The following SENP8 variants were observed in gnomAD, a reference collection of about 807,000 sequenced individuals.
SENP8 encodes SUMO peptidase family member, NEDD8 specific, also known as sentrin-specific protease 8.
SENP8 carries 10 observed loss-of-function variants against 14.4 expected under a neutral mutation model. The ratio of observed to expected loss-of-function variants is 0.69; its 90% CI spans 0.43 to 1.18. The LOEUF (loss-of-function observed/expected upper bound fraction) is 1.18, where lower values mean the gene tolerates loss of function less well. Among genes scored for constraint, SENP8 ranks in the 50% most tolerant of loss-of-function variants. SENP8 has a pLI of 0.00. For missense variants in SENP8, 202 were observed against 249.4 expected, an observed-to-expected ratio of 0.81 and a Z score of 1.28; for synonymous variants, 94 against 95.5, an observed-to-expected ratio of 0.98 and a Z score of 0.09.
chr15:72,140,408 A>C lies in SENP8; in HGVS notation c.*146A>C, dbSNP rs573492399. ...TTCCTGAAAGAATATCATCCTCTGC[A>C]TTATCCCCATGGAACGTTTCACTTT... On this transcript the variant is annotated 3_prime_UTR_variant, in exon 2 of 2. Transcript: ENST00000340912. 2.8e-5 allele frequency: 18 copies of C among 641,624 alleles called. 1 individual carries two copies. The highest frequency in any genetic ancestry group is 5.9e-5 in the Admixed American group (2 of 33,958). The allele number at this position is 641,624 out of a possible 1,614,324, so 39.7% of individuals were successfully genotyped here.
intron 1 of SENP8, chr15:72,134,798 C>G (rs772507980): frequency 6.0e-5 from 17 of 281,678 alleles, no homozygotes; most frequent in Admixed American, 4.1e-4. Context: ...AAAGGAATGT[C>G]CCAGAAGTGT....
chr15:72,118,134 C>G (rs1281586843), upstream of SENP8: 2 of 379,746 alleles, frequency 5.3e-6, no homozygotes, highest in Non-Finnish European at 9.3e-6. Flanking sequence ...CGGCTGCAGG[C>G]GAGCAGGCGC....
chr15:72,129,081 T>C (rs2081246392), intron 1 of SENP8, among the ~76,000 whole-genome samples: 1 of 152,246 alleles, frequency 6.6e-6, no homozygotes, highest in Non-Finnish European at 1.5e-5. Flanking sequence ...CCTGAAGTTT[T>C]GAGAATTGCT....
intron 1 of SENP8, among the ~76,000 whole-genome samples, chr15:72,127,069 A>G (rs1221282022): frequency 2.0e-5 from 3 of 152,226 alleles, no homozygotes; most frequent in Non-Finnish European, 4.4e-5. Flanking sequence ...TGTATACTCA[A>G]TTACTTATTC....
At chr15:72,120,784 G>A (rs1294995718) in intron 1 of SENP8, among the ~76,000 whole-genome samples, 8 of 152,142 alleles carry the variant, frequency 5.3e-5, no homozygotes, top group Admixed American at 5.2e-4. Context: ...ATTTTGAAAT[G>A]CCTGCAGCAA....
rs1481043649 is a variant in SENP8 at position 72,143,493 on chromosome 15, T to C, written c.*3231T>C. The C allele has an allele frequency of 6.6e-6, 1 of 152,224 alleles. No individual in the cohort carries two copies. Among genetic ancestry groups the C allele is most frequent in the Non-Finnish European group, 1.5e-5 (1 of 68,038 alleles). The allele number at this position is 152,224 out of a possible 1,614,324, so 9.4% of individuals were successfully genotyped here. On this transcript the variant is annotated 3_prime_UTR_variant, in exon 2 of 2. Coordinates refer to ENST00000340912, the MANE Select transcript of SENP8 (RefSeq NM_145204.4). ...CTAACCTTTTTATCACTCTGTAATG[T>C]GCAGGGTACTTTATGCACACATATT...
chr15:72,118,105 C>T, upstream of SENP8: 1 of 390,400 alleles, frequency 2.6e-6, no homozygotes, highest in Non-Finnish European at 4.5e-6. Context: ...CGCACGCGGC[C>T]CCGCCCCGCG....
Position 72,140,182 on chromosome 15 carries a change from C to G in SENP8, c.559C>G (p.Leu187Val). 6.2e-7 allele frequency: 1 copy of G among 1,614,012 alleles called. No individual in the cohort carries two copies. Among genetic ancestry groups the G allele is most frequent in the Non-Finnish European group, 8.5e-7 (1 of 1,179,872 alleles). Residue 187 changes from leucine to valine, a missense_variant, in exon 2 of 2, where the codon CTG (leucine) becomes GTG (valine). Leu to Val is a conservative substitution (Grantham distance 32). Transcript: ENST00000340912. The part of the protein sequence containing the change: ...NFFRQQTESL[L>V]QLLTPAYITK... Reference sequence around the variant, plus strand: ...CTTTAGGCAACAGACAGAATCACTGCTGCAGCTACTCACCCCTGCATACAT... The same window carrying G: ...CTTTAGGCAACAGACAGAATCACTGGTGCAGCTACTCACCCCTGCATACAT...
chr15:72,125,451 T>A (rs2081207935), intron 1 of SENP8, among the ~76,000 whole-genome samples: 1 of 148,248 alleles, frequency 6.7e-6, no homozygotes, highest in Non-Finnish European at 1.5e-5. Flanking sequence ...TTCTAACAAT[T>A]TTTTTTTTAC....
chr15:72,139,823 A>AC lies in SENP8; in HGVS notation c.203dup (p.Ala69SerfsTer8). The AC allele has an allele frequency of 6.2e-7, 1 of 1,614,196 alleles. No individual in the cohort carries two copies. The highest frequency in any genetic ancestry group is 1.3e-5 in the African/African-American group (1 of 75,054). ...ACCCAGTTCATCAAGTGCACTAGCA[A>AC]CCCAGCAGAGATTGCCATGTTCCTT... On this transcript the variant is annotated frameshift_variant, in exon 2 of 2. Transcript: ENST00000340912. LOFTEE classifies it high-confidence loss of function.
chr15:72,143,194 ATC>A lies in SENP8; in HGVS notation c.*2935_*2936del, dbSNP rs1445972841. 6.6e-6 allele frequency: 1 copy of A among 150,652 alleles called. No homozygotes were observed. 9.3% of individuals were successfully genotyped at this position (150,652 alleles called of 1,614,324 possible). On this transcript the variant is annotated 3_prime_UTR_variant, in exon 2 of 2. Transcript: ENST00000340912. ...GCCTAGGCAACAGAGCGAGACTCTT[ATC>A]TCAAAAAAAAAAAAAAAAGTATTTA...
intron 1 of SENP8, among the ~76,000 whole-genome samples, chr15:72,124,005 C>G (rs952786197): frequency 6.6e-6 from 1 of 152,148 alleles, no homozygotes; most frequent in African/African-American, 2.4e-5. Context: ...CTCCTTGGCC[C>G]CAGACAGAAT....
rs1328313662 is a variant in SENP8 at position 72,143,479 on chromosome 15, A to G, written c.*3217A>G. The stretch of plus-strand genomic sequence containing the variant: ...GTGAATAGCAACAACTAACCTTTTT[A>G]TCACTCTGTAATGTGCAGGGTACTT... On this transcript the variant is annotated 3_prime_UTR_variant, in exon 2 of 2. Coordinates refer to ENST00000340912, the MANE Select transcript of SENP8 (RefSeq NM_145204.4). The G allele has an allele frequency of 1.3e-5, 2 of 152,224 alleles. No individual in the cohort carries two copies. The highest frequency in any genetic ancestry group is 4.8e-5 in the African/African-American group (2 of 41,464). 9.4% of individuals were successfully genotyped at this position (152,224 alleles called of 1,614,324 possible).
Position 72,142,813 on chromosome 15 carries a change from A to AT in SENP8, c.*2555dup, listed in dbSNP as rs1460092790. On this transcript the variant is annotated 3_prime_UTR_variant, in exon 2 of 2. Coordinates refer to ENST00000340912, the MANE Select transcript of SENP8 (RefSeq NM_145204.4). The stretch of plus-strand genomic sequence containing the variant: ...TTATGTTTCTGATATGTACCTAATT[A>AT]TTTTGACTATACTATAATTTTACAA... The AT allele has an allele frequency of 2.0e-5, 3 of 152,234 alleles. No homozygotes were observed. The highest frequency in any genetic ancestry group is 4.4e-5 in the Non-Finnish European group (3 of 68,046). The allele number at this position is 152,234 out of a possible 1,614,324, so 9.4% of individuals were successfully genotyped here. A position where few individuals can be genotyped will look rare whatever the true frequency, so the allele number is the denominator to read the frequency against.
In SENP8 at chr15:72,141,141, T is replaced by C. The variant is rs2081377174; in HGVS notation, c.*879T>C. 1 of 153,148 alleles carries C rather than the reference T, an allele frequency of 6.5e-6. No homozygotes were observed. The highest frequency in any genetic ancestry group is 1.5e-5 in the Non-Finnish European group (1 of 68,048). The allele number at this position is 153,148 out of a possible 1,614,324, so 9.5% of individuals were successfully genotyped here. ...TGTTGTTTCAGATAAACATTTGTTC[T>C]TCCTGATAGTTATAGGTTTTCCTCT... On this transcript the variant is annotated 3_prime_UTR_variant, in exon 2 of 2. Coordinates refer to ENST00000340912, the MANE Select transcript of SENP8 (RefSeq NM_145204.4).
At chr15:72,139,398 C>T in intron 1 of SENP8, 179 bp from the exon 2 acceptor site, 1 of 513,180 alleles carries the variant, frequency 1.9e-6, no homozygotes, top group Non-Finnish European at 3.4e-6. Flanking sequence ...ATTGGTCTTG[C>T]TGTCTCAGGG....
upstream of SENP8, chr15:72,117,133 G>A (rs1376217438): frequency 6.6e-6 from 1 of 152,278 alleles, no homozygotes; most frequent in Non-Finnish European, 1.5e-5. Flanking sequence ...GTCTGTGACG[G>A]TGTCTAGAGG....
intron 1 of SENP8, among the ~76,000 whole-genome samples, chr15:72,128,817 A>C (rs927838881): frequency 6.6e-6 from 1 of 152,234 alleles, no homozygotes; most frequent in Non-Finnish European, 1.5e-5. Flanking sequence ...GTACAACTTA[A>C]AATCGTAGCC....
chr15:72,114,690 G>A (rs1012669328), upstream of SENP8: 10 of 152,350 alleles, frequency 6.6e-5, no homozygotes, highest in Non-Finnish European at 1.5e-4. Context: ...AATCAAAGTG[G>A]TGATATCCAT....
Sources: allele counts gnomAD v4.1 joint callset (sites outside exome capture counted in the v4.1 genomes callset), GRCh38; gene constraint gnomAD v4.1.1; transcripts MANE v1.5; gene names NCBI Gene and HGNC (gene_info 2026-07-23, HGNC 2026-07-21).